The following NCAPD3 variants were observed in gnomAD, a reference collection of about 807,000 sequenced individuals.
NCAPD3 encodes non-SMC condensin II complex subunit D3.
NCAPD3 carries 105 observed loss-of-function variants against 182.9 expected under a neutral mutation model. The observed-to-expected ratio is 0.57, with a 90% confidence interval of 0.49 to 0.68. The LOEUF is 0.68. Ranked by LOEUF, NCAPD3 falls within the 30% of genes least tolerant of loss-of-function variation. NCAPD3 has a pLI of 0.00. For synonymous variants in NCAPD3, 815 were observed against 679.9 expected, an observed-to-expected ratio of 1.20 and a Z score of -3.09; for missense variants, 1,944 against 1,837.0, an observed-to-expected ratio of 1.06 and a Z score of -1.07.
At chr11:134,192,578 A>T in intron 16 of NCAPD3, 111 bp downstream of exon 16, 1 of 876,726 alleles carries the variant, frequency 1.1e-6, no homozygotes, top group Non-Finnish European at 1.8e-6. Context: ...ATCTTCACAT[A>T]CACTAAGTAA....
In NCAPD3 at chr11:134,161,871, T is replaced by C; in HGVS notation, c.3594A>G (p.Ile1198Met). ...AGATGATAATTGGAATAATATTTTC[T>C]ATGAAATTCCTCTTCTGAACCTGGT... is the stretch of plus-strand genomic sequence containing the variant. ...LISQVQKRNF[I>M]ENIIPIIISL... The change falls in exon 28 of 35, where the codon ATA becomes ATG. Residue 1198 changes from isoleucine (I) to methionine (M), a missense_variant. Coordinates refer to ENST00000534548, the MANE Select transcript of NCAPD3 (RefSeq NM_015261.3). 6.4e-7 allele frequency: 1 copy of C among 1,559,010 alleles called. No individual in the cohort carries two copies. The highest frequency in any genetic ancestry group is 8.8e-7 in the Non-Finnish European group (1 of 1,139,732).
intron 28 of NCAPD3, among the ~76,000 whole-genome samples, chr11:134,160,484 G>C (rs1943547364): frequency 6.6e-6 from 1 of 152,166 alleles, no homozygotes; most frequent in Non-Finnish European, 1.5e-5. Flanking sequence ...TCTGGAGCAA[G>C]TCCCAGGATG....
chr11:134,190,307 T>A (rs1944496449), intron 16 of NCAPD3, among the ~76,000 whole-genome samples: 1 of 152,218 alleles, frequency 6.6e-6, no homozygotes, highest in Admixed American at 6.5e-5. Flanking sequence ...CCTACATACT[T>A]TTTTATATTT....
At chr11:134,177,148 G>A (rs1339976504) in intron 23 of NCAPD3, 71 bp downstream of exon 23, 27 of 1,186,890 alleles carry the variant, frequency 2.3e-5, no homozygotes, top group Non-Finnish European at 3.4e-5. Flanking sequence ...CATTTCCTAT[G>A]CTACTCAAAT....
intron 3 of NCAPD3, among the ~76,000 whole-genome samples, chr11:134,213,975 A>G (rs937608000): frequency 6.6e-6 from 1 of 152,156 alleles, no homozygotes. Context: ...TTATTCTTAG[A>G]GATTCCAACA....
chr11:134,197,749 G>A (rs1465729778), intron 13 of NCAPD3, among the ~76,000 whole-genome samples: 1 of 152,180 alleles, frequency 6.6e-6, no homozygotes, highest in African/African-American at 2.4e-5. Context: ...ATCAATCAAT[G>A]TAAATTACAG....
Position 134,204,856 on chromosome 11 carries a change from C to T in NCAPD3, c.1089+43G>A, listed in dbSNP as rs111663656. On this transcript the variant is annotated intron_variant, in intron 9 of 34. Transcript: ENST00000534548. This position sits in a 1 kb window ranked among gnomAD's most constrained non-coding sequence, Gnocchi z 4.3. The stretch of plus-strand genomic sequence containing the variant: ...ACACACACACATTTATCTTCACACA[C>T]GATATACTTCCATGTTATTAATATT... 1.7e-3 allele frequency: 2,551 copies of T among 1,477,604 alleles called. 24 individuals carry two copies. In the African/African-American group the frequency reaches 0.031, roughly 18 times the overall value. 91.5% of individuals were successfully genotyped at this position (1,477,604 alleles called of 1,614,324 possible).
intron 32 of NCAPD3, among the ~76,000 whole-genome samples, chr11:134,155,102 C>T (rs1943383110): frequency 6.6e-6 from 1 of 152,200 alleles, no homozygotes; most frequent in African/African-American, 2.4e-5. Context: ...GCAGCAGCGT[C>T]TGTGCCACCC....
chr11:134,173,831 C>T (rs550679760), intron 24 of NCAPD3, among the ~76,000 whole-genome samples: 2 of 152,028 alleles, frequency 1.3e-5, no homozygotes, highest in East Asian at 3.9e-4. Flanking sequence ...CGTGGTGGCG[C>T]ACGCCTGTGA....
At position 134,158,027 on chromosome 11, in the gene NCAPD3, T is replaced by G. The variant is rs58640467; in HGVS notation, c.4075A>C (p.Lys1359Gln). 1.2e-3 allele frequency: 1,938 copies of G among 1,614,168 alleles called. 25 individuals are homozygous for G. In the African/African-American group the frequency reaches 0.023, roughly 19 times the overall value. ...LSTIAILNSV[K>Q]KAVESKSRHR... is the part of the protein sequence containing the mutation. ...CTGCTCTTTGACTCCACGGCTTTCTTGACAGAATTCAGGATTGCAATGGTG... is the reference window on the plus strand; with the variant it reads ...CTGCTCTTTGACTCCACGGCTTTCTGGACAGAATTCAGGATTGCAATGGTG... The change falls in exon 31 of 35, where the codon AAG becomes CAG. Residue 1359 changes from lysine to glutamine, a missense_variant. Transcript: ENST00000534548.
intron 13 of NCAPD3, among the ~76,000 whole-genome samples, chr11:134,199,581 A>C (rs1344558328): frequency 6.6e-6 from 1 of 152,208 alleles, no homozygotes; most frequent in African/African-American, 2.4e-5. Context: ...CAGCAAGAGT[A>C]GCTCCCCGTC....
intron 27 of NCAPD3, among the ~76,000 whole-genome samples, chr11:134,165,918 G>A (rs1474174084): frequency 8.0e-6 from 1 of 125,752 alleles, no homozygotes; most frequent in African/African-American, 3.1e-5. Flanking sequence ...CTAGTGAGAT[G>A]AGCTTGGGGG....
rs1937767411 is a variant in NCAPD3, at chr11:134,209,935, AG to A, written c.567+334del. ...GCTGAGTGTGGTGGCGCATGCCTGT[AG>A]CCCCAGCTACTCGGAAGGCTGCAGC... On this transcript the variant is annotated intron_variant, in intron 4 of 34. Coordinates refer to ENST00000534548, the MANE Select transcript of NCAPD3 (RefSeq NM_015261.3). Among the ~76,000 whole-genome samples, 3 of 152,332 alleles carry A rather than the reference AG, an allele frequency of 2.0e-5. No homozygotes were observed. The South Asian group carries it at 6.2e-4, about 32-fold the overall frequency.
At chr11:134,166,964 T>C (rs1213068453) in intron 27 of NCAPD3, among the ~76,000 whole-genome samples, 3 of 112,942 alleles carry the variant, frequency 2.7e-5, no homozygotes, top group African/African-American at 1.1e-4. Context: ...TGAGATGAGC[T>C]TAGGGGAGCT....
chr11:134,205,030 A>G, intron 8 of NCAPD3, 59 bp from the exon 9 acceptor site: 1 of 1,265,656 alleles, frequency 7.9e-7, no homozygotes, highest in Non-Finnish European at 1.1e-6. Context: ...GTCCCCAAAA[A>G]CCACTACTCC....
rs139534157 is a variant in NCAPD3, at chr11:134,158,019, G to A, written c.4083C>T (p.Ala1361=). ...TCCGATGCCTGCTCTTTGACTCCACGGCTTTCTTGACAGAATTCAGGATTG... is the reference window on the plus strand; with the variant it reads ...TCCGATGCCTGCTCTTTGACTCCACAGCTTTCTTGACAGAATTCAGGATTG... ...TIAILNSVKK[A]VESKSRHRSR... Residue 1361 remains alanine (A), a synonymous_variant, in exon 31 of 35, where the codon GCC becomes GCT. Coordinates refer to ENST00000534548, the MANE Select transcript of NCAPD3 (RefSeq NM_015261.3). 856 of 1,614,132 alleles carry A rather than the reference G, an allele frequency of 5.3e-4. 2 individuals carry two copies. The African/African-American group carries it at 0.01, about 19-fold the overall frequency.
In NCAPD3 at chr11:134,151,941, G is replaced by C. The variant is rs1032430199; in HGVS notation, c.*1003C>G. 1.3e-5 allele frequency: 2 copies of C among 152,170 alleles called. No individual in the cohort carries two copies. The highest frequency in any genetic ancestry group is 2.9e-5 in the Non-Finnish European group (2 of 68,036). The allele number at this position is 152,170 out of a possible 1,614,324, so 9.4% of individuals were successfully genotyped here. Reference sequence around the variant, plus strand: ...CGCCTCTCCGCCACCGAGCCCACCTGTGTTGCGGTTCCCACTTGGGATGGC... The same window carrying C: ...CGCCTCTCCGCCACCGAGCCCACCTCTGTTGCGGTTCCCACTTGGGATGGC... On this transcript the variant is annotated 3_prime_UTR_variant, in exon 35 of 35. Coordinates refer to ENST00000534548, the MANE Select transcript of NCAPD3 (RefSeq NM_015261.3).
chr11:134,188,216 A>C (rs1462113266), intron 16 of NCAPD3, among the ~76,000 whole-genome samples: 1 of 152,048 alleles, frequency 6.6e-6, no homozygotes, highest in African/African-American at 2.4e-5. Flanking sequence ...ACTCTGTAAA[A>C]ACACACCAAT....
At chr11:134,177,486 A>G (rs1367691378) in intron 22 of NCAPD3, 29 bp from the exon 23 acceptor site, 1 of 1,573,394 alleles carries the variant, frequency 6.4e-7, no homozygotes, top group African/African-American at 1.3e-5. Flanking sequence ...AGATGTCTCA[A>G]CTGTATTCTA....
Sources: allele counts gnomAD v4.1 joint callset (sites outside exome capture counted in the v4.1 genomes callset), GRCh38; gene constraint gnomAD v4.1.1; non-coding constraint Gnocchi (gnomAD v3.1); transcripts MANE v1.5; gene names NCBI Gene and HGNC (gene_info 2026-07-23, HGNC 2026-07-21).